NUBPL: variants seen among roughly 807,000 people sequenced by gnomAD.
NUBPL encodes the protein iron-sulfur cluster transfer protein NUBPL.
NUBPL carries 31 observed loss-of-function variants against 45.7 expected under a neutral mutation model. The observed-to-expected ratio is 0.68, with a 90% CI of 0.51 to 0.92. The LOEUF is 0.92. NUBPL is among the 40% of genes least tolerant of loss of function. NUBPL has a pLI of 0.00. For missense variants in NUBPL, 401 were observed against 398.7 expected, an observed-to-expected ratio of 1.01 and a Z score of -0.05; for synonymous variants, 144 against 140.9, an observed-to-expected ratio of 1.02 and a Z score of -0.15.
intron 6 of NUBPL, among the ~76,000 whole-genome samples, chr14:31,674,740 T>C (rs2036652350): frequency 6.6e-6 from 1 of 152,194 alleles, no homozygotes; most frequent in Non-Finnish European, 1.5e-5. Context: ...AGATTTTACA[T>C]GTTGTTATTC....
intron 6 of NUBPL, among the ~76,000 whole-genome samples, chr14:31,702,188 C>A (rs1046225096): frequency 6.6e-6 from 1 of 152,166 alleles, no homozygotes; most frequent in African/African-American, 2.4e-5. Context: ...AAATGCAGAG[C>A]CTCTGTTGTC....
chr14:31,687,841 C>G (rs1482914629), intron 6 of NUBPL, among the ~76,000 whole-genome samples: 1 of 152,158 alleles, frequency 6.6e-6, no homozygotes, highest in Non-Finnish European at 1.5e-5. Context: ...AGTTGAATTG[C>G]TTGATATGTA....
intron 6 of NUBPL, among the ~76,000 whole-genome samples, chr14:31,685,488 G>A (rs2036931525): frequency 6.6e-6 from 1 of 152,018 alleles, no homozygotes. Flanking sequence ...TTAAGGAGGA[G>A]TGGTATATTA....
chr14:31,663,086 GT>G (rs1321878437), intron 4 of NUBPL, among the ~76,000 whole-genome samples: 1 of 151,972 alleles, frequency 6.6e-6, no homozygotes, highest in African/African-American at 2.4e-5. Flanking sequence ...TTTTGATGGG[GT>G]TGTTTTTTTC....
chr14:31,654,735 A>C (rs775083839), intron 4 of NUBPL, among the ~76,000 whole-genome samples: 30 of 152,118 alleles, frequency 2.0e-4, no homozygotes, highest in Admixed American at 6.5e-4. Flanking sequence ...TTCAGACAAA[A>C]ATGATGTTTG....
chr14:31,645,150 C>T (rs2035810029), intron 4 of NUBPL, among the ~76,000 whole-genome samples: 1 of 151,366 alleles, frequency 6.6e-6, no homozygotes, highest in Admixed American at 6.6e-5. Context: ...ACTGCAAGCT[C>T]CGCCTCCCGG....
At position 31,832,823 on chromosome 14, in the gene NUBPL, T is replaced by A. The variant is rs10152088; in HGVS notation, c.693+6109T>A. On this transcript the variant is annotated intron_variant, in intron 8 of 10. Coordinates refer to ENST00000281081, the MANE Select transcript of NUBPL (RefSeq NM_025152.3). ...ACTGTATGACCTGAGTTATCTATTC[T>A]ATGCCTTAGTTTTCTCAATCATCAT... 3.6e-3 allele frequency among the ~76,000 whole-genome samples: 545 copies of A among 152,066 alleles called. 1 individual carries two copies. The highest frequency in any genetic ancestry group is 0.012 in the African/African-American group (489 of 41,332).
intron 6 of NUBPL, among the ~76,000 whole-genome samples, chr14:31,760,605 A>G (rs997973802): frequency 3.0e-4 from 46 of 152,148 alleles, no homozygotes; most frequent in African/African-American, 1.0e-3. Flanking sequence ...TTCACTTAAC[A>G]TAATACCTTC....
intron 3 of NUBPL, among the ~76,000 whole-genome samples, chr14:31,579,301 A>G (rs2033802101): frequency 1.3e-5 from 2 of 152,220 alleles, no homozygotes; most frequent in Admixed American, 1.3e-4. Context: ...TTTAAAAATG[A>G]TTAAAAATAC....
chr14:31,647,201 C>T (rs1389438476), intron 4 of NUBPL, among the ~76,000 whole-genome samples: 2 of 152,076 alleles, frequency 1.3e-5, no homozygotes, highest in Non-Finnish European at 2.9e-5. Context: ...TTGTTAGGGC[C>T]AGTCATTGGT....
chr14:31,811,134 C>G (rs934588028), intron 7 of NUBPL, among the ~76,000 whole-genome samples: 1 of 152,076 alleles, frequency 6.6e-6, no homozygotes, highest in African/African-American at 2.4e-5. Context: ...TTGTGGTGTT[C>G]TCTGTACTTC....
chr14:31,655,568 C>A (rs1388564960), intron 4 of NUBPL, among the ~76,000 whole-genome samples: 1 of 152,132 alleles, frequency 6.6e-6, no homozygotes, highest in Non-Finnish European at 1.5e-5. Flanking sequence ...CAAAAATTAG[C>A]AAGGCATGGC....
At chr14:31,574,327 C>T (rs796335166) in intron 3 of NUBPL, among the ~76,000 whole-genome samples, 12 of 150,942 alleles carry the variant, frequency 8.0e-5, no homozygotes, top group African/African-American at 1.9e-4. Context: ...GCAAGTGGTA[C>T]GATCTCGGCT....
chr14:31,647,521 A>T (rs2035888282), intron 4 of NUBPL, among the ~76,000 whole-genome samples: 1 of 152,188 alleles, frequency 6.6e-6, no homozygotes, highest in Admixed American at 6.5e-5. Flanking sequence ...ATATTCTGGC[A>T]ATGTTGGAAG....
Position 31,758,512 on chromosome 14 carries a change from A to T in NUBPL, c.514-29268A>T. Reference sequence around the variant, plus strand: ...AAAATACCTGCATTTTCCGTAATTAATGTCATGTCTTGTTTAAGGCTGTTT... The same window carrying T: ...AAAATACCTGCATTTTCCGTAATTATTGTCATGTCTTGTTTAAGGCTGTTT... On this transcript the variant is annotated intron_variant, in intron 6 of 10. Coordinates refer to ENST00000281081, the MANE Select transcript of NUBPL (RefSeq NM_025152.3). Among the ~76,000 whole-genome samples, 2 of 152,174 alleles carry T rather than the reference A, an allele frequency of 1.3e-5. 1 individual carries two copies. Among genetic ancestry groups the T allele is most frequent in the Middle Eastern group, 6.3e-3 (2 of 316 alleles).
intron 4 of NUBPL, among the ~76,000 whole-genome samples, chr14:31,602,040 CATGGAATACT>C (rs2034448453): frequency 2.0e-5 from 3 of 152,086 alleles, no homozygotes; most frequent in Admixed American, 2.0e-4. Flanking sequence ...ACATATACAC[CATGGAATACT>C]ATGCAGCCAT....
chr14:31,790,498 T>A (rs904080120), intron 7 of NUBPL, among the ~76,000 whole-genome samples: 1 of 152,178 alleles, frequency 6.6e-6, no homozygotes, highest in Non-Finnish European at 1.5e-5. Flanking sequence ...TGTGCAGCCA[T>A]CACTACTGTC....
At chr14:31,577,934 A>C in intron 3 of NUBPL, 1 of 1,287,464 alleles carries the variant, frequency 7.8e-7, no homozygotes, top group Non-Finnish European at 1.0e-6. Context: ...ATCTCATGCC[A>C]TTAGAGTGAC....
intron 6 of NUBPL, among the ~76,000 whole-genome samples, chr14:31,722,431 A>G (rs958527233): frequency 2.0e-5 from 3 of 152,136 alleles, no homozygotes; most frequent in African/African-American, 7.2e-5. Context: ...TGGTAGAAAG[A>G]TTGATATTAC....
Sources: allele counts gnomAD v4.1 joint callset (sites outside exome capture counted in the v4.1 genomes callset), GRCh38; gene constraint gnomAD v4.1.1; transcripts MANE v1.5; gene names NCBI Gene and HGNC (gene_info 2026-07-23, HGNC 2026-07-21).